Variants in PDXDC1 observed in about 807,000 individuals in gnomAD.
The protein encoded by PDXDC1 is pyridoxal dependent decarboxylase domain containing 1.
Under a neutral mutation model 100.1 loss-of-function variants are expected in PDXDC1, and 42 were observed. The observed-to-expected ratio is 0.42, with a 90% CI of 0.33 to 0.54. PDXDC1 has a LOEUF of 0.54. PDXDC1 is among the 20% of genes least tolerant of loss of function. The pLI is 0.10. For missense variants in PDXDC1, 636 were observed against 979.2 expected (o/e 0.65, Z 4.68); for synonymous variants, 260 against 371.7 (o/e 0.70, Z 3.46).
At chr16:14,995,710 G>A (rs1417695639) in intron 1 of PDXDC1, among the ~76,000 whole-genome samples, 5 of 152,418 alleles carry the variant, frequency 3.3e-5, no homozygotes, top group African/African-American at 1.2e-4. Flanking sequence ...AGTTTCAGAA[G>A]GAATGGTACC....
At chr16:15,144,043 C>A (rs1462025853), downstream of PDXDC1, among the ~76,000 whole-genome samples, 1 of 152,202 alleles carries the variant, frequency 6.6e-6, no homozygotes, top group Non-Finnish European at 1.5e-5. Flanking sequence ...AGGGGCAGGA[C>A]AGGACGCCAG....
At chr16:15,123,979 A>G (rs2047565222) in intron 16 of PDXDC1, among the ~76,000 whole-genome samples, 1 of 151,630 alleles carries the variant, frequency 6.6e-6, no homozygotes, top group Non-Finnish European at 1.5e-5. Flanking sequence ...GTCCTTATCT[A>G]TATCATCTTA....
At chr16:15,041,216 T>C (rs1440048496), downstream of PDXDC1, 3 of 800,136 alleles carry the variant, frequency 3.7e-6, no homozygotes, top group South Asian at 2.8e-5. Flanking sequence ...AGCTCCTCGA[T>C]GCAGAAAGGG....
At chr16:15,135,008 G>A (rs959143201) in intron 16 of PDXDC1, 2 of 441,068 alleles carry the variant, frequency 4.5e-6, no homozygotes, top group Non-Finnish European at 8.5e-6. Context: ...TGCCTCTGGG[G>A]TGGGAAGGGG....
chr16:15,058,341 G>T (rs2044597448), intron 16 of PDXDC1, among the ~76,000 whole-genome samples: 1 of 152,098 alleles, frequency 6.6e-6, no homozygotes, highest in Admixed American at 6.5e-5. Flanking sequence ...ATGTTGGAAA[G>T]CCTGTTTCTT....
chr16:15,041,084 TG>T, downstream of PDXDC1: 1 of 1,601,232 alleles, frequency 6.2e-7, no homozygotes, highest in Non-Finnish European at 8.6e-7. Context: ...CATATATTAC[TG>T]GAAAGTGGTT....
intron 1 of PDXDC1, among the ~76,000 whole-genome samples, chr16:14,987,154 T>C (rs1969562372): frequency 2.6e-5 from 4 of 152,418 alleles, no homozygotes; most frequent in African/African-American, 9.6e-5. Context: ...GTTGAGACTG[T>C]TGTAAAGTAG....
rs2043258845 is a variant in PDXDC1 at position 15,034,281 on chromosome 16, C to T, written c.1813-5C>T. 6.2e-7 allele frequency: 1 copy of T among 1,612,712 alleles called. No homozygotes were observed. Among genetic ancestry groups the T allele is most frequent in the Non-Finnish European group, 8.5e-7 (1 of 1,179,656 alleles). ...CAAGTAATGTCTTTCTTGGTCTTGC[C>T]ACAGCTTCTGGAAAACATGACAGAA... On this transcript the variant is annotated splice_region_variant and splice_polypyrimidine_tract_variant and intron_variant, in intron 19 of 22. Transcript: ENST00000396410.
chr16:15,111,447 ACT>A (rs2048428249), intron 16 of PDXDC1, among the ~76,000 whole-genome samples: 1 of 96,996 alleles, frequency 1.0e-5, no homozygotes, highest in Non-Finnish European at 2.1e-5. Flanking sequence ...CAAAATTCAA[ACT>A]CTGTCTCAAA....
Position 15,033,297 on chromosome 16 carries a change from G to T in PDXDC1, c.1710G>T (p.Met570Ile), listed in dbSNP as rs751455009. 5 of 1,614,212 alleles carry T rather than the reference G, an allele frequency of 3.1e-6. No homozygotes were observed. The South Asian group carries it at 5.5e-5, about 18-fold the overall frequency. The part of the protein sequence containing the change: ...TFKIGPEYKS[M>I]KSCLYVGMAS... ...TTGCAGGCCCTGAGTATAAGAGCAT[G>T]AAGAGCTGCCTTTATGTCGGCATGG... Residue 570 changes from methionine (M) to isoleucine (I), a missense_variant, in exon 19 of 23, where the codon ATG (methionine) becomes ATT (isoleucine). By Grantham distance (10) the Met-to-Ile change is conservative. Around this residue, in one of 4 missense-constraint regions of PDXDC1, gnomAD observed 452 missense variants for 402.9 expected, o/e 1.12. Coordinates refer to ENST00000396410, the MANE Select transcript of PDXDC1 (RefSeq NM_015027.4).
downstream of PDXDC1, chr16:15,040,233 A>C: frequency 2.3e-6 from 1 of 433,120 alleles, no homozygotes; most frequent in South Asian, 6.0e-5. Context: ...TGCAACCTTT[A>C]CCCCAAGCAT....
At chr16:15,024,835 A>G (rs2042466783) in intron 13 of PDXDC1, among the ~76,000 whole-genome samples, 1 of 152,304 alleles carries the variant, frequency 6.6e-6, no homozygotes, top group Non-Finnish European at 1.5e-5. Context: ...ACATCACTCC[A>G]TCCCCCTGGG....
the PDXDC1 span, among the ~76,000 whole-genome samples, chr16:15,145,756 G>A: frequency 1.3e-5 from 2 of 152,270 alleles, no homozygotes; most frequent in Non-Finnish European, 2.9e-5. Context: ...TCACTCTGCA[G>A]GGAGACTGTG....
rs370445279 is a variant in PDXDC1, at chr16:15,004,184, C to T, written c.243-3C>T. On this transcript the variant is annotated splice_region_variant and splice_polypyrimidine_tract_variant and intron_variant, in intron 4 of 22. Coordinates refer to ENST00000396410, the MANE Select transcript of PDXDC1 (RefSeq NM_015027.4). Reference sequence around the variant, plus strand: ...ACTCTAATACTTTAATTTTGCTTAACAGAATCCAAAATATTGGAGAACAAG... The same window carrying T: ...ACTCTAATACTTTAATTTTGCTTAATAGAATCCAAAATATTGGAGAACAAG... The T allele has an allele frequency of 5.6e-4, 907 of 1,612,350 alleles. 5 individuals are homozygous for T. In the South Asian group the frequency reaches 9.4e-3, roughly 17 times the overall value.
At chr16:15,009,436 C>T in intron 7 of PDXDC1, 1 of 632,252 alleles carries the variant, frequency 1.6e-6, no homozygotes, top group South Asian at 2.8e-5. Flanking sequence ...TGTTTAAAAT[C>T]AAAGAAATGT....
At chr16:15,151,424 C>CAAAAA in the PDXDC1 span, among the ~76,000 whole-genome samples, 11 of 14,434 alleles carry the variant, frequency 7.6e-4, no homozygotes, top group African/African-American at 2.1e-3. Flanking sequence ...GACTCCGTCT[C>CAAAAA]AAAAAAAAAA....
At chr16:15,035,794 C>T (rs988776991) in intron 22 of PDXDC1, among the ~76,000 whole-genome samples, 12 of 152,088 alleles carry the variant, frequency 7.9e-5, no homozygotes, top group African/African-American at 1.9e-4. Flanking sequence ...CCCTCCTGGG[C>T]GTTTCCTAAT....
intron 12 of PDXDC1, among the ~76,000 whole-genome samples, chr16:15,022,067 A>G (rs2042249609): frequency 1.3e-5 from 2 of 152,290 alleles, no homozygotes; most frequent in Admixed American, 6.5e-5. Context: ...TTGAATTAAT[A>G]TACTCCAATC....
At chr16:15,061,689 C>A in intron 16 of PDXDC1, 2 of 1,548,124 alleles carry the variant, frequency 1.3e-6, no homozygotes, top group South Asian at 1.1e-5. Context: ...GTGCTGAGGG[C>A]ATGACAAGTG....
Sources: gnomAD v4.1 joint callset for allele counts (sites outside exome capture counted in the v4.1 genomes callset) on GRCh38, gnomAD v4.1.1 for gene constraint, gnomAD v4.1.1 regional missense constraint, MANE v1.5 for transcripts, NCBI Gene and HGNC (gene_info 2026-07-23, HGNC 2026-07-21) for gene names.